The following NUP98 variants were observed in gnomAD, a reference collection of about 807,000 sequenced individuals.
NUP98 encodes the protein nucleoporin 98 and 96 precursor.
In NUP98, 26 loss-of-function variants were observed where a neutral mutation model predicts 191.9. The ratio of observed to expected loss-of-function variants is 0.14; its 90% CI spans 0.10 to 0.19. The LOEUF (loss-of-function observed/expected upper bound fraction) is 0.19, where lower values mean the gene tolerates loss of function less well. NUP98 is among the 10% of genes least tolerant of loss of function. NUP98 has a pLI of 1.00. For missense variants in NUP98, 1,941 were observed against 2,178.8 expected (o/e 0.89, Z 2.17); for synonymous variants, 808 against 778.4 (o/e 1.04, Z -0.63).
intron 14 of NUP98, among the ~76,000 whole-genome samples, chr11:3,729,715 CAAAAAAAAAAAAAA>C (rs755816362): frequency 2.7e-5 from 1 of 37,416 alleles, no homozygotes; most frequent in Non-Finnish European, 5.4e-5. Context: ...ACTCTTGCCT[CAAAAAAAAAAAAAA>C]AAAAAAAAAA....
At chr11:3,708,805 C>T (rs747688791) in intron 20 of NUP98, among the ~76,000 whole-genome samples, 13 of 151,724 alleles carry the variant, frequency 8.6e-5, no homozygotes, top group Admixed American at 2.6e-4. Flanking sequence ...TGGAAAAGAA[C>T]GGCACGTATA....
chr11:3,688,206 C>A (rs954812115), intron 28 of NUP98, among the ~76,000 whole-genome samples: 4 of 151,640 alleles, frequency 2.6e-5, no homozygotes, highest in African/African-American at 9.7e-5. Context: ...AGATCCAGAC[C>A]ATCCTGGCTA....
chr11:3,714,052 G>C lies in NUP98; in HGVS notation c.2400-57C>G. 5 of 1,523,038 alleles carry C rather than the reference G, an allele frequency of 3.3e-6. No homozygotes were observed. The South Asian group carries it at 4.6e-5, about 14-fold the overall frequency. The allele number at this position is 1,523,038 out of a possible 1,614,324, so 94.3% of individuals were successfully genotyped here. A position where few individuals can be genotyped will look rare whatever the true frequency, so the allele number is the denominator to read the frequency against. On this transcript the variant is annotated intron_variant, in intron 18 of 32. Coordinates refer to ENST00000324932, the MANE Select transcript of NUP98 (RefSeq NM_016320.5). ...TAAAGTAAAAGCGCTTCATATATAA[G>C]ACCAGAAAGCCACCTAACACATAAA...
intron 12 of NUP98, among the ~76,000 whole-genome samples, chr11:3,740,403 C>A (rs1273922378): frequency 2.0e-5 from 3 of 151,578 alleles, no homozygotes; most frequent in African/African-American, 7.3e-5. Flanking sequence ...CCCAGCTACT[C>A]AAGAGGCTGA....
chr11:3,724,362 C>A (rs2079528376), intron 15 of NUP98, among the ~76,000 whole-genome samples: 1 of 150,378 alleles, frequency 6.6e-6, no homozygotes, highest in Admixed American at 6.6e-5. Context: ...TTGAACAATT[C>A]ACATCAGAGG....
chr11:3,703,875 A>G (rs2078783444), intron 22 of NUP98, among the ~76,000 whole-genome samples: 1 of 152,098 alleles, frequency 6.6e-6, no homozygotes, highest in South Asian at 2.1e-4. Flanking sequence ...TATTATAGGG[A>G]TGGAGTCTTG....
At chr11:3,743,829 G>C (rs1352479110) in intron 12 of NUP98, among the ~76,000 whole-genome samples, 4 of 151,586 alleles carry the variant, frequency 2.6e-5, no homozygotes, top group African/African-American at 9.7e-5. Context: ...CGAGGTGGGC[G>C]GATCACGAGG....
chr11:3,760,489 A>G, intron 10 of NUP98, 50 bp downstream of exon 10: 1 of 1,614,060 alleles, frequency 6.2e-7, no homozygotes, highest in Non-Finnish European at 8.5e-7. Context: ...TATATGTACC[A>G]AAATTAGAAG....
At chr11:3,768,817 T>C (rs2081424443) in intron 7 of NUP98, 73 bp from the exon 8 acceptor site, 1 of 1,187,532 alleles carries the variant, frequency 8.4e-7, no homozygotes, top group African/African-American at 1.5e-5. Context: ...ATACAAAACC[T>C]TCCATTATCC....
At chr11:3,700,355 T>A (rs2078639976) in intron 24 of NUP98, among the ~76,000 whole-genome samples, 1 of 152,134 alleles carries the variant, frequency 6.6e-6, no homozygotes, top group Non-Finnish European at 1.5e-5. Flanking sequence ...TTCAATTTTA[T>A]AAATCCAAGG....
At chr11:3,740,956 T>C (rs1589850919) in intron 12 of NUP98, among the ~76,000 whole-genome samples, 2 of 151,904 alleles carry the variant, frequency 1.3e-5, no homozygotes, top group East Asian at 3.9e-4. Context: ...GTAGCTGGGA[T>C]TACAGGCATG....
intron 18 of NUP98, among the ~76,000 whole-genome samples, chr11:3,715,866 C>G (rs2079163692): frequency 6.6e-6 from 1 of 152,218 alleles, no homozygotes; most frequent in Admixed American, 6.5e-5. Flanking sequence ...CTCTGCCTCC[C>G]AAAGTGCTGG....
intron 29 of NUP98, among the ~76,000 whole-genome samples, chr11:3,684,303 G>A (rs139744730): frequency 5.3e-5 from 8 of 152,250 alleles, no homozygotes; most frequent in East Asian, 1.9e-4. Context: ...GGCTTGGCTC[G>A]GCGCAGTGGC....
chr11:3,702,206 C>T (rs1034864924), intron 23 of NUP98, among the ~76,000 whole-genome samples: 3 of 151,434 alleles, frequency 2.0e-5, no homozygotes, highest in African/African-American at 7.3e-5. Flanking sequence ...CCACCGCACC[C>T]CAGCCTGGGA....
chr11:3,695,319 A>T, intron 26 of NUP98, 130 bp downstream of exon 26: 1 of 781,770 alleles, frequency 1.3e-6, no homozygotes, highest in Non-Finnish European at 1.9e-6. Flanking sequence ...TAATTTGAAA[A>T]TTGTCCAATG....
In NUP98 at chr11:3,738,776, CAAAA is replaced by C. The variant is rs58460963; in HGVS notation, c.1409-3456_1409-3453del. Among the ~76,000 whole-genome samples, 6 of 67,248 alleles carry C rather than the reference CAAAA, an allele frequency of 8.9e-5. No individual in the cohort carries two copies. The East Asian group carries it at 1.4e-3, about 16-fold the overall frequency. The allele number at this position is 67,248 out of a possible 152,430, so 44.1% of individuals were successfully genotyped here. A position where few individuals can be genotyped will look rare whatever the true frequency, so the allele number is the denominator to read the frequency against. ...CTGGGTGACAGAGTAAGACTCCTCTCAAAAAAAAAAAAAAAAAAAAAAGGAAAGA... is the reference window on the plus strand; with the variant it reads ...CTGGGTGACAGAGTAAGACTCCTCTCAAAAAAAAAAAAAAAAAAGGAAAGA... On this transcript the variant is annotated intron_variant, in intron 12 of 32. Transcript: ENST00000324932.
At chr11:3,774,077 T>G (rs1328484279) in intron 5 of NUP98, among the ~76,000 whole-genome samples, 1 of 152,100 alleles carries the variant, frequency 6.6e-6, no homozygotes. Flanking sequence ...AAGTTCTCCT[T>G]TCTACTCCGC....
chr11:3,759,534 T>C (rs1398038496), intron 10 of NUP98, among the ~76,000 whole-genome samples: 1 of 151,910 alleles, frequency 6.6e-6, no homozygotes, highest in Non-Finnish European at 1.5e-5. Context: ...GAGGCAGAGT[T>C]TGCAGTGAGC....
At chr11:3,745,231 T>C (rs1295731371) in intron 11 of NUP98, among the ~76,000 whole-genome samples, 1 of 152,252 alleles carries the variant, frequency 6.6e-6, no homozygotes, top group Non-Finnish European at 1.5e-5. Flanking sequence ...TCATGTCATC[T>C]TTCTTACAGA....
Sources: allele counts gnomAD v4.1 joint callset (sites outside exome capture counted in the v4.1 genomes callset), GRCh38; gene constraint gnomAD v4.1.1; transcripts MANE v1.5; gene names NCBI Gene and HGNC (gene_info 2026-07-23, HGNC 2026-07-21).